Variants in GPATCH8 observed in about 807,000 individuals in gnomAD.
The protein encoded by GPATCH8 is G patch domain-containing protein 8.
In GPATCH8, 18 loss-of-function variants were observed where a neutral mutation model predicts 118.3. The ratio of observed to expected loss-of-function variants is 0.15; its 90% CI spans 0.11 to 0.23. The LOEUF is 0.23. GPATCH8 is among the 10% of genes least tolerant of loss of function. The probability of loss-of-function intolerance (pLI) is 1.00; values close to 1 mark genes in which losing one functional copy is unlikely to be tolerated. For synonymous variants in GPATCH8, 659 were observed against 684.7 expected (o/e 0.96, Z 0.59); for missense variants, 1,631 against 1,873.8 (o/e 0.87, Z 2.39).
At chr17:44,407,952 C>T (rs1357775867) in intron 6 of GPATCH8, among the ~76,000 whole-genome samples, 4 of 152,058 alleles carry the variant, frequency 2.6e-5, no homozygotes, top group Non-Finnish European at 5.9e-5. Flanking sequence ...ATACCACACC[C>T]AGCCCACAAT....
intron 6 of GPATCH8, among the ~76,000 whole-genome samples, chr17:44,410,835 C>T (rs1315233470): frequency 6.6e-6 from 1 of 152,172 alleles, no homozygotes; most frequent in Admixed American, 6.5e-5. Context: ...AGTAGAAAGG[C>T]AAGACCCTAA....
chr17:44,408,767 C>G (rs1232499017), intron 6 of GPATCH8, among the ~76,000 whole-genome samples: 1 of 152,142 alleles, frequency 6.6e-6, no homozygotes, highest in African/African-American at 2.4e-5. Flanking sequence ...GTTCCTACCA[C>G]AGGAATATGG....
At chr17:44,484,631 C>T (rs1416619692) in intron 1 of GPATCH8, among the ~76,000 whole-genome samples, 1 of 152,152 alleles carries the variant, frequency 6.6e-6, no homozygotes, top group Non-Finnish European at 1.5e-5. Flanking sequence ...TAGACTTCCT[C>T]TAATGGTCTT....
At chr17:44,494,121 C>T (rs1054943196) in intron 1 of GPATCH8, among the ~76,000 whole-genome samples, 1 of 152,128 alleles carries the variant, frequency 6.6e-6, no homozygotes, top group African/African-American at 2.4e-5. Context: ...TGTTCTACGA[C>T]CACCACCTTC....
intron 6 of GPATCH8, among the ~76,000 whole-genome samples, chr17:44,420,834 G>A (rs925803798): frequency 6.6e-6 from 1 of 152,008 alleles, no homozygotes; most frequent in Non-Finnish European, 1.5e-5. Flanking sequence ...CATTATTGAA[G>A]TTTGAATTAT....
chr17:44,476,029 C>CAAACA (rs147838302), intron 1 of GPATCH8, among the ~76,000 whole-genome samples: 5,567 of 152,066 alleles, frequency 0.037, 331 homozygotes, highest in African/African-American at 0.13. Context: ...GATCCTATTT[C>CAAACA]AAACAAAACA....
chr17:44,479,715 T>C (rs1203621275), intron 1 of GPATCH8, among the ~76,000 whole-genome samples: 1 of 152,196 alleles, frequency 6.6e-6, no homozygotes, highest in Admixed American at 6.5e-5. Context: ...ACGCCTGTAA[T>C]CCCAGCACTT....
chr17:44,481,039 T>A (rs1968196067), intron 1 of GPATCH8, among the ~76,000 whole-genome samples: 1 of 152,076 alleles, frequency 6.6e-6, no homozygotes, highest in Non-Finnish European at 1.5e-5. Flanking sequence ...GGCTCCCGAG[T>A]AGCTGGGACT....
At chr17:44,442,225 A>AC (rs1424016740) in intron 3 of GPATCH8, among the ~76,000 whole-genome samples, 5 of 146,284 alleles carry the variant, frequency 3.4e-5, no homozygotes, top group Admixed American at 6.8e-5. Flanking sequence ...AAAAAAAAAA[A>AC]AAACACCACA....
intron 6 of GPATCH8, among the ~76,000 whole-genome samples, chr17:44,412,190 C>T (rs1279512123): frequency 1.3e-5 from 2 of 151,664 alleles, no homozygotes; most frequent in African/African-American, 4.8e-5. Flanking sequence ...CCCAAAATGC[C>T]GGGATTACAG....
At chr17:44,483,006 A>AT (rs1968401720) in intron 1 of GPATCH8, among the ~76,000 whole-genome samples, 2 of 147,364 alleles carry the variant, frequency 1.4e-5, no homozygotes, top group South Asian at 2.2e-4. Context: ...AATACAAAAA[A>AT]TTAGCCAGGC....
chr17:44,440,360 A>G (rs971899243), intron 3 of GPATCH8, among the ~76,000 whole-genome samples: 1 of 152,236 alleles, frequency 6.6e-6, no homozygotes, highest in African/African-American at 2.4e-5. Flanking sequence ...ATCTGATGGA[A>G]AACAACTGAT....
chr17:44,448,489 C>CAAA lies in GPATCH8; in HGVS notation c.194-11947_194-11945dup, dbSNP rs1165847501. On this transcript the variant is annotated intron_variant, in intron 3 of 7. Transcript: ENST00000591680. ...GCTGAGGTGGGAGGATCACGTGAGC[C>CAAA]AAAAAAAAAAAAAAGGGGGGGGGGG... Among the ~76,000 whole-genome samples the CAAA allele has an allele frequency of 5.8e-4, 22 of 37,652 alleles. 1 individual carries two copies. Among genetic ancestry groups the CAAA allele is most frequent in the African/African-American group, 1.6e-3 (14 of 8,530 alleles). 24.7% of individuals were successfully genotyped at this position (37,652 alleles called of 152,430 possible).
Position 44,401,375 on chromosome 17 carries a change from T to C in GPATCH8, c.702A>G (p.Glu234=), listed in dbSNP as rs747910916. 3 of 1,613,112 alleles carry C rather than the reference T, an allele frequency of 1.9e-6. No individual in the cohort carries two copies. The highest frequency in any genetic ancestry group is 1.7e-6 in the Non-Finnish European group (2 of 1,179,284). Residue 234 remains glutamate (E), a synonymous_variant, in exon 8 of 8, where the codon GAA becomes GAG. Transcript: ENST00000591680. The part of the protein sequence containing the change: ...DEEGGEDDKD[E]SATNSGTGAT... ...CACCTGTGCCACTATTTGTAGCTGATTCATCTTTATCATCTTCTCCACCTT... is the reference window on the plus strand; with the variant it reads ...CACCTGTGCCACTATTTGTAGCTGACTCATCTTTATCATCTTCTCCACCTT...
At chr17:44,424,589 AG>A in intron 5 of GPATCH8, 97 bp from the exon 6 acceptor site, 1 of 897,966 alleles carries the variant, frequency 1.1e-6, no homozygotes. Context: ...AAGACAAAAA[AG>A]GGCTTTTCAT....
intron 3 of GPATCH8, among the ~76,000 whole-genome samples, chr17:44,446,351 G>T (rs1320108975): frequency 6.6e-6 from 1 of 152,126 alleles, no homozygotes; most frequent in Non-Finnish European, 1.5e-5. Flanking sequence ...CAGATCACGA[G>T]GTCAGCAGAT....
intron 3 of GPATCH8, among the ~76,000 whole-genome samples, chr17:44,445,502 C>CTT (rs113545278): frequency 1.1e-4 from 16 of 146,432 alleles, no homozygotes; most frequent in South Asian, 2.2e-4. Context: ...ATTTCTTTTT[C>CTT]TTTTTTTTTT....
intron 6 of GPATCH8, among the ~76,000 whole-genome samples, chr17:44,422,378 G>C (rs2049938989): frequency 6.6e-6 from 1 of 151,980 alleles, no homozygotes; most frequent in Admixed American, 6.6e-5. Context: ...TAGATTGGGG[G>C]GCAGGTCTTG....
At chr17:44,407,873 T>C (rs1417344537) in intron 6 of GPATCH8, among the ~76,000 whole-genome samples, 1 of 152,020 alleles carries the variant, frequency 6.6e-6, no homozygotes, top group Non-Finnish European at 1.5e-5. Flanking sequence ...GCCAGGGTGG[T>C]CTCAAACTCC....
Sources: allele counts gnomAD v4.1 joint callset (sites outside exome capture counted in the v4.1 genomes callset), GRCh38; gene constraint gnomAD v4.1.1; transcripts MANE v1.5; gene names NCBI Gene and HGNC (gene_info 2026-07-23, HGNC 2026-07-21).